The following NIT1 variants were observed in gnomAD, a reference collection of about 807,000 sequenced individuals.
NIT1 encodes nitrilase 1.
NIT1 carries 30 observed loss-of-function variants against 36.8 expected under a neutral mutation model. The ratio of observed to expected loss-of-function variants is 0.82; its 90% CI spans 0.61 to 1.11. The LOEUF (loss-of-function observed/expected upper bound fraction) is 1.11, where lower values mean the gene tolerates loss of function less well. NIT1 is among the 50% of genes least tolerant of loss of function. The pLI is 0.00. For synonymous variants in NIT1, 151 were observed against 155.6 expected (o/e 0.97, Z 0.22); for missense variants, 438 against 410.6 (o/e 1.07, Z -0.58).
Position 161,120,237 on chromosome 1 carries a change from G to A in NIT1, c.717+5G>A, listed in dbSNP as rs373805918. On this transcript the variant is annotated splice_donor_5th_base_variant and intron_variant, in intron 6 of 6. Coordinates refer to ENST00000368009, the MANE Select transcript of NIT1 (RefSeq NM_005600.3). Reference sequence around the variant, plus strand: ...ACAGGCCCAGCCCACTGGGAGGTAAGATGATGCCTTTTTAAAACATAAGGG... The same window carrying A: ...ACAGGCCCAGCCCACTGGGAGGTAAAATGATGCCTTTTTAAAACATAAGGG... The A allele has an allele frequency of 1.2e-6, 2 of 1,613,792 alleles. No homozygotes were observed. The highest frequency in any genetic ancestry group is 1.3e-5 in the African/African-American group (1 of 74,906).
At chr1:161,123,782 G>GGGAT, downstream of NIT1, 1 of 1,440,894 alleles carries the variant, frequency 6.9e-7, no homozygotes, top group Non-Finnish European at 9.6e-7. Flanking sequence ...AGAATGTGAT[G>GGGAT]GGATCAGTGT....
chr1:161,121,857 C>T, downstream of NIT1: 1 of 360,370 alleles, frequency 2.8e-6, no homozygotes, highest in South Asian at 4.2e-5. Flanking sequence ...AGACTATGTG[C>T]TGTAGACTTT....
At chr1:161,120,431 T>C (rs1655329464) in intron 6 of NIT1, 68 bp from the exon 7 acceptor site, 7 of 1,552,892 alleles carry the variant, frequency 4.5e-6, no homozygotes, top group African/African-American at 1.4e-5. Flanking sequence ...TGGTCTGTAA[T>C]GTCCCTCACC....
At chr1:161,123,723 G>A (rs1262196125), downstream of NIT1, 11 of 889,002 alleles carry the variant, frequency 1.2e-5, no homozygotes, top group Non-Finnish European at 1.9e-5. Context: ...TTTTTTTATG[G>A]GGCAAGATGT....
chr1:161,120,291 G>C, intron 6 of NIT1, 59 bp downstream of exon 6: 1 of 1,592,878 alleles, frequency 6.3e-7, no homozygotes, highest in South Asian at 1.1e-5. Flanking sequence ...TTCCCCCCTT[G>C]GCCCTACCAG....
downstream of NIT1, chr1:161,122,559 A>G (rs1571215981): frequency 1.1e-5 from 17 of 1,590,854 alleles, no homozygotes; most frequent in Non-Finnish European, 1.5e-5. The surrounding 1 kb of genome is among the most constrained non-coding windows in gnomAD (Gnocchi z 4.2). Flanking sequence ...AGAAGAGGTT[A>G]CAGTAAGGGA....
Position 161,119,747 on chromosome 1 carries a change from T to C in NIT1, c.458-72T>C. The C allele has an allele frequency of 2.5e-6, 4 of 1,576,914 alleles. 1 individual carries two copies. The South Asian group carries it at 3.5e-5, about 14-fold the overall frequency. On this transcript the variant is annotated intron_variant, in intron 4 of 6. Coordinates refer to ENST00000368009, the MANE Select transcript of NIT1 (RefSeq NM_005600.3). Reference sequence around the variant, plus strand: ...CTACTTCAGTTCCTAGCCTATAAACTATCTCCTCCTTGGGAGGAGTAAGCA... The same window carrying C: ...CTACTTCAGTTCCTAGCCTATAAACCATCTCCTCCTTGGGAGGAGTAAGCA...
chr1:161,119,442 G>A (rs1571201568), intron 3 of NIT1, 54 bp downstream of exon 3: 19 of 1,613,564 alleles, frequency 1.2e-5, no homozygotes, highest in Non-Finnish European at 1.5e-5. Flanking sequence ...AGTGTCCCTG[G>A]GTTGCCAGAT....
chr1:161,119,179 G>C lies in NIT1; in HGVS notation c.144G>C (p.Leu48=), dbSNP rs1193760451. Residue 48 remains leucine (L), a synonymous_variant, in exon 3 of 7, where the codon CTG becomes CTC. Transcript: ENST00000368009. The part of the protein sequence containing the change: ...AISSSSCELP[L]VAVCQVTSTP... ...CCTCTTCCTCCTGCGAACTGCCCCT[G>C]GTGGCTGTGTGCCAGGTAACATCGA... The C allele has an allele frequency of 6.2e-7, 1 of 1,614,132 alleles. No homozygotes were observed. The highest frequency in any genetic ancestry group is 8.5e-7 in the Non-Finnish European group (1 of 1,180,018).
In NIT1 at chr1:161,119,874, G is replaced by A; in HGVS notation, c.513G>A (p.Gly171=). The A allele has an allele frequency of 6.2e-7, 1 of 1,613,196 alleles. No homozygotes were observed. Among genetic ancestry groups the A allele is most frequent in the Non-Finnish European group, 8.5e-7 (1 of 1,179,738 alleles). Residue 171 remains glycine, a synonymous_variant, in exon 5 of 7, where the codon GGG becomes GGA. Coordinates refer to ENST00000368009, the MANE Select transcript of NIT1 (RefSeq NM_005600.3). ...ATCTGTGTGACGTAGAGATTCCAGGGCAGGGGCCTATGTGTGAAAGCAACT... is the reference window on the plus strand; with the variant it reads ...ATCTGTGTGACGTAGAGATTCCAGGACAGGGGCCTATGTGTGAAAGCAACT... ...KTHLCDVEIP[G]QGPMCESNST...
At chr1:161,120,359 A>G in intron 6 of NIT1, 127 bp downstream of exon 6, 3 of 1,460,470 alleles carry the variant, frequency 2.1e-6, no homozygotes, top group Middle Eastern at 2.2e-4. Flanking sequence ...TATTTCTCTC[A>G]TGAATAGTTA....
downstream of NIT1, chr1:161,124,437 C>T (rs1655936711): frequency 6.2e-7 from 1 of 1,604,384 alleles, no homozygotes; most frequent in African/African-American, 1.3e-5. Context: ...CCACACCTGG[C>T]TTGCCCGCCG....
At chr1:161,120,381 C>A (rs1655323070) in intron 6 of NIT1, 118 bp from the exon 7 acceptor site, 1 of 1,444,220 alleles carries the variant, frequency 6.9e-7, no homozygotes, top group Non-Finnish European at 9.5e-7. Flanking sequence ...AATAGTAAAT[C>A]ATTCCTAGGC....
downstream of NIT1, chr1:161,123,958 G>A: frequency 6.2e-7 from 1 of 1,612,600 alleles, no homozygotes; most frequent in Non-Finnish European, 8.5e-7. Context: ...TGTAGGAGGA[G>A]AAGTAATCAT....
At chr1:161,124,230 T>C (rs767158548), downstream of NIT1, 1 of 1,614,244 alleles carries the variant, frequency 6.2e-7, no homozygotes, top group South Asian at 1.1e-5. Flanking sequence ...GTTACTTTCA[T>C]CACAGCGGCC....
chr1:161,119,688 C>T, intron 4 of NIT1, 76 bp downstream of exon 4: 1 of 1,587,598 alleles, frequency 6.3e-7, no homozygotes, highest in South Asian at 1.1e-5. Context: ...TTTCTCAACT[C>T]TTATTTCCTT....
rs758272864 is a variant in NIT1, at chr1:161,119,799, T to G, written c.458-20T>G. On this transcript the variant is annotated intron_variant, in intron 4 of 6. Coordinates refer to ENST00000368009, the MANE Select transcript of NIT1 (RefSeq NM_005600.3). ...GGCTTCTAGAACACCAGCACTGATA[T>G]TCCTTCTTTCTTACTGTAGGGGCAG... The G allele has an allele frequency of 2.5e-6, 4 of 1,585,026 alleles. No individual in the cohort carries two copies. In the South Asian group the frequency reaches 3.5e-5, roughly 14 times the overall value.
Position 161,118,792 on chromosome 1 carries a change from C to T in NIT1, c.9C>T (p.Gly3=). The change falls in exon 2 of 7, where the codon GGC becomes GGT. Residue 3 remains glycine (G), a synonymous_variant. Coordinates refer to ENST00000368009, the MANE Select transcript of NIT1 (RefSeq NM_005600.3). ML[G]FITRPPHRFL... is the part of the protein sequence containing the mutation. The stretch of plus-strand genomic sequence containing the variant: ...CATATCTCACCTTCCTCAGGCTGGG[C>T]TTCATCACCAGGCCTCCTCACAGAT... The T allele has an allele frequency of 7.4e-6, 12 of 1,612,762 alleles. No individual in the cohort carries two copies. The highest frequency in any genetic ancestry group is 1.0e-5 in the Non-Finnish European group (12 of 1,178,814).
At chr1:161,124,153 T>G, downstream of NIT1, 1 of 1,613,284 alleles carries the variant, frequency 6.2e-7, no homozygotes. Flanking sequence ...CGTCTCCTCT[T>G]GAGGGTGACG....
Sources: gnomAD v4.1 joint callset for allele counts on GRCh38, gnomAD v4.1.1 for gene constraint, Gnocchi (gnomAD v3.1) non-coding constraint, MANE v1.5 for transcripts, NCBI Gene and HGNC (gene_info 2026-07-23, HGNC 2026-07-21) for gene names.